The following PTPRD variants were observed in gnomAD, a reference collection of about 807,000 sequenced individuals.
The protein encoded by PTPRD is protein tyrosine phosphatase receptor type D.
In PTPRD, 34 loss-of-function variants were observed where a neutral mutation model predicts 214.5. The ratio of observed to expected loss-of-function variants is 0.16; its 90% CI spans 0.12 to 0.21. The LOEUF is 0.21. Among genes scored for constraint, PTPRD ranks in the 10% least tolerant of loss-of-function variants. The pLI, the probability that PTPRD is intolerant of heterozygous loss-of-function variation, is 1.00. For synonymous variants in PTPRD, 1,128 were observed against 845.7 expected, an observed-to-expected ratio of 1.33 and a Z score of -5.79; for missense variants, 2,545 against 2,398.7, an observed-to-expected ratio of 1.06 and a Z score of -1.27.
chr9:9,640,268 C>T (rs537189791), intron 7 of PTPRD, among the ~76,000 whole-genome samples: 1 of 152,244 alleles, frequency 6.6e-6, no homozygotes, highest in Admixed American at 6.5e-5. Context: ...GCTTGGAATG[C>T]TTAAACAGTG....
intron 5 of PTPRD, among the ~76,000 whole-genome samples, chr9:9,844,192 T>C (rs568577027): frequency 1.3e-5 from 2 of 152,146 alleles, no homozygotes; most frequent in South Asian, 4.1e-4. Context: ...TGAATTAAAA[T>C]TTTAATTGAC....
intron 7 of PTPRD, among the ~76,000 whole-genome samples, chr9:9,711,822 G>A (rs375052255): frequency 6.6e-6 from 1 of 152,054 alleles, no homozygotes; most frequent in African/African-American, 2.4e-5. Context: ...CTCTTATTTT[G>A]AGCTGGATTC....
At chr9:10,075,365 A>G (rs1472364970) in intron 3 of PTPRD, among the ~76,000 whole-genome samples, 2 of 152,102 alleles carry the variant, frequency 1.3e-5, no homozygotes, top group Non-Finnish European at 2.9e-5. Flanking sequence ...GATTCAAAAC[A>G]TATCTAAGCC....
At chr9:9,094,789 A>G (rs914706253) in intron 10 of PTPRD, among the ~76,000 whole-genome samples, 2 of 152,178 alleles carry the variant, frequency 1.3e-5, no homozygotes, top group African/African-American at 4.8e-5. Context: ...TTCCATACAA[A>G]CTATTACAAA....
chr9:8,868,770 G>T (rs979952691), intron 11 of PTPRD, among the ~76,000 whole-genome samples: 2 of 151,992 alleles, frequency 1.3e-5, no homozygotes, highest in African/African-American at 4.8e-5. Context: ...ATATGCCTGT[G>T]GTGCTTTCAG....
chr9:9,279,109 A>C (rs1946723905), intron 9 of PTPRD, among the ~76,000 whole-genome samples: 2 of 150,996 alleles, frequency 1.3e-5, no homozygotes, highest in Non-Finnish European at 3.0e-5. Flanking sequence ...CTCTGTCCAT[A>C]TTTTTGTGCC....
Position 8,773,673 on chromosome 9 carries a change from A to C in PTPRD, c.-103-39727T>G, listed in dbSNP as rs905977348. ...TCATTGAATTCCCATCATTAAAATA[A>C]ATTCCAAGCTCTTTACATTGATTTA... On this transcript the variant is annotated intron_variant, in intron 11 of 45. Transcript: ENST00000381196. Among the ~76,000 whole-genome samples the C allele has an allele frequency of 1.8e-4, 27 of 152,244 alleles. 1 individual carries two copies. Among genetic ancestry groups the C allele is most frequent in the African/African-American group, 6.3e-4 (26 of 41,460 alleles).
At position 9,034,293 on chromosome 9, in the gene PTPRD, A is replaced by G. The variant is rs533901805; in HGVS notation, c.-142-15558T>C. ...TCTGTCTCCAGGTTGGGATTTTCCAATTTCATGCCACAAGTAACCACTTGT... is the reference window on the plus strand; with the variant it reads ...TCTGTCTCCAGGTTGGGATTTTCCAGTTTCATGCCACAAGTAACCACTTGT... On this transcript the variant is annotated intron_variant, in intron 10 of 45. Coordinates refer to ENST00000381196, the MANE Select transcript of PTPRD (RefSeq NM_002839.4). Among the ~76,000 whole-genome samples, 5 of 152,206 alleles carry G rather than the reference A, an allele frequency of 3.3e-5. No homozygotes were observed. In the East Asian group the frequency reaches 9.7e-4, roughly 29 times the overall value.
chr9:9,330,392 G>A (rs181697654), intron 9 of PTPRD, among the ~76,000 whole-genome samples: 7 of 151,916 alleles, frequency 4.6e-5, no homozygotes, highest in Non-Finnish European at 8.8e-5. Flanking sequence ...TTAAAATAAG[G>A]TTATCTTCAA....
intron 34 of PTPRD, among the ~76,000 whole-genome samples, chr9:8,447,802 A>T (rs1269024181): frequency 6.6e-6 from 1 of 152,158 alleles, no homozygotes; most frequent in Non-Finnish European, 1.5e-5. Context: ...TCCAGCACAA[A>T]TGACATTTAT....
chr9:10,331,276 T>G (rs1433203868), intron 3 of PTPRD, among the ~76,000 whole-genome samples: 1 of 151,822 alleles, frequency 6.6e-6, no homozygotes, highest in African/African-American at 2.4e-5. Flanking sequence ...CAAAACCATC[T>G]GGCCATGGCT....
chr9:8,527,298 T>C (rs1451803067), intron 16 of PTPRD, 47 bp downstream of exon 16: 1 of 1,574,846 alleles, frequency 6.3e-7, no homozygotes, highest in Non-Finnish European at 8.7e-7. Flanking sequence ...ATATTCTGGA[T>C]ATGGAAATTA....
intron 3 of PTPRD, among the ~76,000 whole-genome samples, chr9:10,231,573 C>T (rs2099610024): frequency 6.6e-6 from 1 of 151,684 alleles, no homozygotes. Context: ...AGGTGGTGCA[C>T]ATACACATGC....
intron 8 of PTPRD, among the ~76,000 whole-genome samples, chr9:9,488,079 C>A (rs1013431270): frequency 6.6e-6 from 1 of 152,042 alleles, no homozygotes; most frequent in Non-Finnish European, 1.5e-5. Context: ...TTATTGTAAC[C>A]TTTATTTTGC....
intron 44 of PTPRD, 77 bp from the exon 45 acceptor site, chr9:8,320,043 C>CA: frequency 1.3e-6 from 2 of 1,523,300 alleles, no homozygotes; most frequent in South Asian, 2.6e-5. Flanking sequence ...TGTGGACATA[C>CA]TTCTACCAGC....
intron 3 of PTPRD, among the ~76,000 whole-genome samples, chr9:10,335,234 CAG>C (rs1276174957): frequency 2.6e-5 from 4 of 151,600 alleles, no homozygotes; most frequent in Admixed American, 2.0e-4. Flanking sequence ...GGCAAAATAA[CAG>C]ATAAAAAGAT....
intron 9 of PTPRD, among the ~76,000 whole-genome samples, chr9:9,185,044 A>AAG (rs1423525986): frequency 6.6e-6 from 1 of 152,042 alleles, no homozygotes; most frequent in Non-Finnish European, 1.5e-5. Context: ...GGTTTTAGGT[A>AAG]AGACGCTGAG....
Position 9,538,771 on chromosome 9 carries a change from G to C in PTPRD, c.-237+35961C>G, listed in dbSNP as rs116424995. Among the ~76,000 whole-genome samples the C allele has an allele frequency of 2.9e-3, 444 of 151,950 alleles. 1 individual carries two copies. Among genetic ancestry groups the C allele is most frequent in the African/African-American group, 0.01 (424 of 41,520 alleles). ...CTTCCCAACAAATGCTCTAATGAAA[G>C]ACTATGAAAAAGGCTTTGGTTCAAA... On this transcript the variant is annotated intron_variant, in intron 8 of 45. Transcript: ENST00000381196.
chr9:8,322,649 C>T (rs750571956), intron 44 of PTPRD, among the ~76,000 whole-genome samples: 2 of 152,124 alleles, frequency 1.3e-5, no homozygotes, highest in Non-Finnish European at 2.9e-5. Context: ...CATAAAAGTG[C>T]AAGGTGAAGC....
Sources: allele counts gnomAD v4.1 joint callset (sites outside exome capture counted in the v4.1 genomes callset), GRCh38; gene constraint gnomAD v4.1.1; transcripts MANE v1.5; gene names NCBI Gene and HGNC (gene_info 2026-07-23, HGNC 2026-07-21).